The following GRID2 variants were observed in gnomAD, a reference collection of about 807,000 sequenced individuals.
GRID2 encodes the protein glutamate receptor ionotropic, delta-2.
GRID2 carries 33 observed loss-of-function variants against 114.8 expected under a neutral mutation model. The ratio of observed to expected loss-of-function variants is 0.29; its 90% CI spans 0.22 to 0.38. The LOEUF (loss-of-function observed/expected upper bound fraction) is 0.38. Among genes scored for constraint, GRID2 ranks in the 10% least tolerant of loss-of-function variants. The pLI is 1.00. For missense variants in GRID2, 1,184 were observed against 1,257.7 expected, an observed-to-expected ratio of 0.94 and a Z score of 0.89; for synonymous variants, 505 against 449.9, an observed-to-expected ratio of 1.12 and a Z score of -1.55.
chr4:93,306,664 T>C (rs1216017964), intron 8 of GRID2, among the ~76,000 whole-genome samples: 1 of 152,136 alleles, frequency 6.6e-6, no homozygotes, highest in African/African-American at 2.4e-5. Flanking sequence ...AGATGGGGAT[T>C]ATTTACTGTT....
chr4:92,505,785 G>A (rs764721546), intron 1 of GRID2, among the ~76,000 whole-genome samples: 7 of 152,004 alleles, frequency 4.6e-5, no homozygotes, highest in East Asian at 1.9e-4. Flanking sequence ...TTAGTGCAAT[G>A]TATATCTTTA....
chr4:93,316,291 C>CGAAAGAACGAAAGAACGAAA (rs1282459325), intron 8 of GRID2, among the ~76,000 whole-genome samples: 96 of 77,146 alleles, frequency 1.2e-3, no homozygotes, highest in African/African-American at 1.7e-3. Flanking sequence ...AACGAAAGAA[C>CGAAAGAACGAAAGAACGAAA]GAAAGAAAGA....
At chr4:93,056,991 C>T (rs1255825446) in intron 2 of GRID2, among the ~76,000 whole-genome samples, 9 of 151,570 alleles carry the variant, frequency 5.9e-5, no homozygotes, top group East Asian at 1.9e-4. Context: ...TTTATAAATC[C>T]GAAGTAAAAA....
At chr4:92,792,893 A>ATTTTTT (rs11456511) in intron 2 of GRID2, among the ~76,000 whole-genome samples, 1 of 133,268 alleles carries the variant, frequency 7.5e-6, no homozygotes, top group Non-Finnish European at 1.6e-5. Flanking sequence ...CATAATATCC[A>ATTTTTT]TTTTTTTTTT....
At chr4:92,450,032 T>A (rs113494221) in intron 1 of GRID2, among the ~76,000 whole-genome samples, 2,930 of 152,126 alleles carry the variant, frequency 0.019, 96 homozygotes, top group African/African-American at 0.067. Context: ...GTATCAAATA[T>A]GTCAGATATG....
At chr4:92,901,562 C>T (rs976226849) in intron 2 of GRID2, among the ~76,000 whole-genome samples, 1 of 151,982 alleles carries the variant, frequency 6.6e-6, no homozygotes, top group African/African-American at 2.4e-5. Context: ...AATTATTTAC[C>T]TAGGCCAATG....
At chr4:92,552,010 A>T (rs1057025903) in intron 1 of GRID2, among the ~76,000 whole-genome samples, 2 of 152,146 alleles carry the variant, frequency 1.3e-5, no homozygotes, top group Non-Finnish European at 2.9e-5. Flanking sequence ...GGTGGGCAGT[A>T]TTAGAGGAAC....
chr4:92,386,500 T>C (rs1729966756), intron 1 of GRID2, among the ~76,000 whole-genome samples: 1 of 151,894 alleles, frequency 6.6e-6, no homozygotes, highest in East Asian at 1.9e-4. Context: ...TAGTAATTAA[T>C]TTTAATAAGT....
intron 14 of GRID2, among the ~76,000 whole-genome samples, chr4:93,631,607 G>A (rs1038299078): frequency 6.6e-6 from 1 of 152,120 alleles, no homozygotes; most frequent in Non-Finnish European, 1.5e-5. Context: ...CCTTAATCCA[G>A]TCTATCATTG....
chr4:92,797,628 TAGTG>T (rs1739953442), intron 2 of GRID2, among the ~76,000 whole-genome samples: 1 of 152,014 alleles, frequency 6.6e-6, no homozygotes, highest in Admixed American at 6.6e-5. Flanking sequence ...TATTTTATGA[TAGTG>T]AATGATGAAA....
At chr4:92,798,328 T>C (rs775897683) in intron 2 of GRID2, among the ~76,000 whole-genome samples, 13 of 151,974 alleles carry the variant, frequency 8.6e-5, no homozygotes, top group Non-Finnish European at 2.9e-5. Context: ...GTAAATCAAA[T>C]AAGCTTATAT....
intron 7 of GRID2, among the ~76,000 whole-genome samples, chr4:93,237,519 C>T (rs1467676900): frequency 6.6e-6 from 1 of 151,802 alleles, no homozygotes; most frequent in Non-Finnish European, 1.5e-5. Context: ...AAACAATTTA[C>T]AAAACTGAGA....
intron 8 of GRID2, among the ~76,000 whole-genome samples, chr4:93,391,117 G>A (rs1274998031): frequency 6.6e-6 from 1 of 152,070 alleles, no homozygotes; most frequent in East Asian, 1.9e-4. Context: ...AATCTTAGGA[G>A]CATATAATCA....
At chr4:92,460,416 G>A (rs894747040) in intron 1 of GRID2, among the ~76,000 whole-genome samples, 4 of 151,764 alleles carry the variant, frequency 2.6e-5, no homozygotes, top group Admixed American at 6.6e-5. Flanking sequence ...TCTCCCTTCC[G>A]AAATTTCATG....
At chr4:93,281,639 A>G (rs181586407) in intron 8 of GRID2, among the ~76,000 whole-genome samples, 1 of 152,152 alleles carries the variant, frequency 6.6e-6, no homozygotes, top group Admixed American at 6.6e-5. Context: ...TTAGGTCTTC[A>G]TCTTGCCTTT....
chr4:92,470,745 A>T (rs1013908047), intron 1 of GRID2, among the ~76,000 whole-genome samples: 2 of 152,048 alleles, frequency 1.3e-5, no homozygotes, highest in Admixed American at 1.3e-4. Context: ...ACATAAAATT[A>T]CGAGTGCCCA....
chr4:92,650,783 T>C (rs578181847), intron 2 of GRID2, among the ~76,000 whole-genome samples: 2 of 152,064 alleles, frequency 1.3e-5, no homozygotes, highest in South Asian at 4.2e-4. Context: ...TCCCATTTCT[T>C]TTGCTTGGTT....
chr4:92,666,298 A>G (rs1200770510), intron 2 of GRID2, among the ~76,000 whole-genome samples: 1 of 151,378 alleles, frequency 6.6e-6, no homozygotes, highest in East Asian at 1.9e-4. Context: ...TTTTGTTCAT[A>G]CATATATATT....
intron 2 of GRID2, among the ~76,000 whole-genome samples, chr4:92,717,593 A>G (rs1482462556): frequency 6.6e-6 from 1 of 152,228 alleles, no homozygotes; most frequent in South Asian, 2.1e-4. Context: ...CTATACTTAA[A>G]TGAAGCACAC....
Sources: allele counts gnomAD v4.1 joint callset (sites outside exome capture counted in the v4.1 genomes callset), GRCh38; gene constraint gnomAD v4.1.1; transcripts MANE v1.5; gene names NCBI Gene and HGNC (gene_info 2026-07-23, HGNC 2026-07-21).